The following VPS13C variants were observed in gnomAD, a reference collection of about 807,000 sequenced individuals.
VPS13C encodes vacuolar protein sorting 13 homolog C.
A neutral mutation model predicts 456.8 loss-of-function variants in VPS13C; 358 were observed. The observed-to-expected ratio is 0.78, with a 90% CI of 0.72 to 0.86. VPS13C has a LOEUF of 0.86. Among genes scored for constraint, VPS13C ranks in the 40% least tolerant of loss-of-function variants. VPS13C has a pLI of 0.00. For missense variants in VPS13C, 4,818 were observed against 4,385.4 expected (o/e 1.10, Z -2.79); for synonymous variants, 1,578 against 1,486.7 (o/e 1.06, Z -1.41).
chr15:61,996,868 TAC>T (rs35800911), intron 16 of VPS13C, among the ~76,000 whole-genome samples: 56,246 of 143,462 alleles, frequency 0.39, 11,709 homozygotes, highest in Non-Finnish European at 0.46. Flanking sequence ...AAGGTCTAAA[TAC>T]ACACACACAC....
intron 20 of VPS13C, among the ~76,000 whole-genome samples, chr15:61,983,293 C>A (rs1347127323): frequency 6.6e-6 from 1 of 152,098 alleles, no homozygotes; most frequent in East Asian, 1.9e-4. Context: ...TGAACCATAT[C>A]CATACTGATG....
In VPS13C at chr15:61,918,157, T is replaced by C. The variant is rs777978616; in HGVS notation, c.7739A>G (p.His2580Arg). Reference protein sequence around the residue: ...IGIARPEEEFHVPLDSYRCQL... With the variant: ...IGIARPEEEFRVPLDSYRCQL... ...CTACCTATATGAATCTAAAGGAACA[T>C]GGAACTCCTCTTCAGGTCTGGCTAT... The change falls in exon 59 of 85, where the codon CAT becomes CGT. Residue 2580 changes from histidine to arginine, a missense_variant. Transcript: ENST00000644861. The C allele has an allele frequency of 7.5e-6, 12 of 1,596,554 alleles. No individual in the cohort carries two copies. The highest frequency in any genetic ancestry group is 3.6e-5 in the Admixed American group (2 of 55,610).
At chr15:61,955,825 G>C (rs1429884235) in intron 37 of VPS13C, among the ~76,000 whole-genome samples, 3 of 152,140 alleles carry the variant, frequency 2.0e-5, no homozygotes, top group South Asian at 2.1e-4. Flanking sequence ...AAAAATAACA[G>C]ATGTTGGCCA....
intron 16 of VPS13C, 87 bp downstream of exon 16, chr15:62,000,477 C>T: frequency 3.9e-6 from 5 of 1,297,174 alleles, no homozygotes; most frequent in Non-Finnish European, 5.3e-6. Flanking sequence ...AAAACCTCAC[C>T]TCGTGAAACT....
chr15:61,869,362 C>A, intron 80 of VPS13C, 138 bp downstream of exon 80: 1 of 960,996 alleles, frequency 1.0e-6, no homozygotes, highest in East Asian at 2.8e-5. Flanking sequence ...TGGAGGCACT[C>A]TATGTTTTAA....
intron 22 of VPS13C, 23 bp from the exon 23 acceptor site, chr15:61,978,772 A>ATT: frequency 1.3e-6 from 2 of 1,551,356 alleles, no homozygotes; most frequent in Non-Finnish European, 8.7e-7. Flanking sequence ...ACAAATTTCA[A>ATT]TTTTTTTTTC....
At position 61,977,218 on chromosome 15, in the gene VPS13C, G is replaced by A. The variant is rs1208744130; in HGVS notation, c.2291-19C>T. Reference sequence around the variant, plus strand: ...GTTTCCTCTTTAAAAAATAATTTAAGATATTATTTATTATTTTTACAAACA... The same window carrying A: ...GTTTCCTCTTTAAAAAATAATTTAAAATATTATTTATTATTTTTACAAACA... On this transcript the variant is annotated intron_variant, in intron 23 of 84. Transcript: ENST00000644861. 3 of 1,398,470 alleles carry A rather than the reference G, an allele frequency of 2.1e-6. No individual in the cohort carries two copies. Among genetic ancestry groups the A allele is most frequent in the Non-Finnish European group, 1.9e-6 (2 of 1,039,178 alleles). 86.6% of individuals were successfully genotyped at this position (1,398,470 alleles called of 1,614,324 possible).
chr15:61,854,969 A>G lies in VPS13C; in HGVS notation c.11077-15T>C. The G allele has an allele frequency of 6.3e-7, 1 of 1,578,412 alleles. No individual in the cohort carries two copies. ...AGACCCTGTTCCTGTTTCAAAAGAA[A>G]CAATGACAGAAAAGAAATTATTCTG... On this transcript the variant is annotated splice_polypyrimidine_tract_variant and intron_variant, in intron 83 of 84. Transcript: ENST00000644861.
At chr15:61,924,015 G>A (rs1364425898) in intron 53 of VPS13C, among the ~76,000 whole-genome samples, 2 of 150,068 alleles carry the variant, frequency 1.3e-5, no homozygotes, top group African/African-American at 4.9e-5. Flanking sequence ...ACAGGCGCCC[G>A]CCACTACGCC....
At chr15:61,939,609 A>T (rs1378138184) in intron 47 of VPS13C, among the ~76,000 whole-genome samples, 1 of 152,150 alleles carries the variant, frequency 6.6e-6, no homozygotes, top group African/African-American at 2.4e-5. Context: ...GGCACACAAG[A>T]ATCACAGGAT....
At chr15:61,983,064 T>C (rs911316263) in intron 20 of VPS13C, among the ~76,000 whole-genome samples, 1 of 152,204 alleles carries the variant, frequency 6.6e-6, no homozygotes, top group African/African-American at 2.4e-5. Flanking sequence ...TTAACACTAC[T>C]GAACTATAAA....
rs2043670837 is a variant in VPS13C at position 61,921,950 on chromosome 15, A to G, written c.7059T>C (p.Leu2353=). The G allele has an allele frequency of 6.2e-7, 1 of 1,612,930 alleles. No individual in the cohort carries two copies. The highest frequency in any genetic ancestry group is 1.7e-5 in the Admixed American group (1 of 59,994). ...AGATATTTTAAGATTTCCTTACATC[A>G]AGCCTTAAATTCCATTGTCTCTTCC... ...VEGKRQWNLR[L]DVKKNPVQDK... is the part of the protein sequence containing the mutation. Residue 2353 remains leucine, a synonymous_variant, in exon 55 of 85, where the codon CTT becomes CTC. Coordinates refer to ENST00000644861, the MANE Select transcript of VPS13C (RefSeq NM_020821.3).
At chr15:62,051,784 A>T (rs886146495) in intron 1 of VPS13C, among the ~76,000 whole-genome samples, 2 of 152,232 alleles carry the variant, frequency 1.3e-5, no homozygotes. Flanking sequence ...TTCAGAGCAT[A>T]ACCAGAAGAA....
At chr15:61,904,864 TG>T (rs1220975117) in intron 66 of VPS13C, among the ~76,000 whole-genome samples, 1 of 151,800 alleles carries the variant, frequency 6.6e-6, no homozygotes, top group African/African-American at 2.4e-5. Context: ...TTATGTTAAG[TG>T]AAGTCAGTCA....
rs770833027 is a variant in VPS13C at position 61,927,177 on chromosome 15, C to T, written c.6430G>A (p.Glu2144Lys). ...CTCACAGAAGCTTCCATCATCTGTT[C>T]GAGTTTGGATGTTGACAGAGAAAGG... ...CNLSLSTSKLEQMMEASVRDL... is the reference protein window; with the variant it reads ...CNLSLSTSKLKQMMEASVRDL... Residue 2144 changes from glutamate to lysine, a missense_variant, in exon 52 of 85, where the codon GAA (glutamate) becomes AAA (lysine). By Grantham distance (56) the Glu-to-Lys change is moderately conservative (BLOSUM62 1). Transcript: ENST00000644861. The T allele has an allele frequency of 6.2e-6, 10 of 1,613,994 alleles. No homozygotes were observed. Among genetic ancestry groups the T allele is most frequent in the African/African-American group, 4.0e-5 (3 of 74,900 alleles).
chr15:62,049,759 G>C (rs538264033), intron 1 of VPS13C, among the ~76,000 whole-genome samples: 9 of 152,140 alleles, frequency 5.9e-5, no homozygotes, highest in Non-Finnish European at 8.8e-5. Context: ...CCATTTGTTT[G>C]TATCCTCTTT....
Position 61,877,034 on chromosome 15 carries a change from C to A in VPS13C, c.10163G>T (p.Arg3388Leu). The change falls in exon 75 of 85, where the codon CGA (arginine) becomes CTA (leucine). Residue 3388 changes from arginine to leucine, a missense_variant. Coordinates refer to ENST00000644861, the MANE Select transcript of VPS13C (RefSeq NM_020821.3). ...CTGATCTCTCTTGTAGAACTGATAT[C>A]GAATTTCATAATAAGCAAGTCTGGG... ...LIFKLAYYEI[R>L]YQFYKRDQLI... 6.2e-7 allele frequency: 1 copy of A among 1,607,382 alleles called. No homozygotes were observed. Among genetic ancestry groups the A allele is most frequent in the Non-Finnish European group, 8.5e-7 (1 of 1,176,502 alleles).
intron 24 of VPS13C, 37 bp downstream of exon 24, chr15:61,977,045 T>C (rs563928680): frequency 1.8e-5 from 25 of 1,418,730 alleles, no homozygotes; most frequent in Admixed American, 5.4e-5. Context: ...ATATTTCACC[T>C]GTTGATTTTC....
intron 15 of VPS13C, among the ~76,000 whole-genome samples, chr15:62,006,444 T>G (rs1363395853): frequency 2.6e-5 from 4 of 152,206 alleles, no homozygotes; most frequent in Non-Finnish European, 5.9e-5. Context: ...TCATCATTTT[T>G]TATGGCTGCA....
Sources: allele counts gnomAD v4.1 joint callset (sites outside exome capture counted in the v4.1 genomes callset), GRCh38; gene constraint gnomAD v4.1.1; transcripts MANE v1.5; gene names NCBI Gene and HGNC (gene_info 2026-07-23, HGNC 2026-07-21).